NAA25: variants seen among roughly 807,000 people sequenced by gnomAD.
The protein encoded by NAA25 is N-alpha-acetyltransferase 25, NatB auxiliary subunit.
In NAA25, 30 loss-of-function variants were observed where a neutral mutation model predicts 132.5. The observed-to-expected ratio is 0.23, with a 90% CI of 0.17 to 0.31. NAA25 has a LOEUF of 0.31. NAA25 is among the 10% of genes least tolerant of loss of function. NAA25 has a pLI of 1.00. For synonymous variants in NAA25, 359 were observed against 401.9 expected, an observed-to-expected ratio of 0.89 and a Z score of 1.28; for missense variants, 771 against 1,150.4, an observed-to-expected ratio of 0.67 and a Z score of 4.77.
intron 23 of NAA25, among the ~76,000 whole-genome samples, chr12:112,030,209 T>TTA (rs1393259541): frequency 5.5e-5 from 1 of 18,298 alleles, no homozygotes; most frequent in Non-Finnish European, 1.2e-4. Flanking sequence ...TAAAGCTGTC[T>TTA]CAAAAAAAAA....
At chr12:112,098,238 T>C (rs1464236657) in intron 1 of NAA25, among the ~76,000 whole-genome samples, 1 of 151,674 alleles carries the variant, frequency 6.6e-6, no homozygotes, top group East Asian at 1.9e-4. Context: ...CATCAGGTCC[T>C]GGGGCACTAC....
At position 112,049,225 on chromosome 12, in the gene NAA25, T is replaced by C. The variant is rs148167978; in HGVS notation, c.1729-782A>G. 5.3e-5 allele frequency among the ~76,000 whole-genome samples: 8 copies of C among 152,298 alleles called. No homozygotes were observed. The highest frequency in any genetic ancestry group is 3.4e-3 in the Middle Eastern group (1 of 294). ...CAAGATAAAGAATTCTAAGCAGAAA[T>C]TCTGGCACAATAGAAGAAAATCTCA... On this transcript the variant is annotated intron_variant, in intron 15 of 23. Transcript: ENST00000261745. This position sits in a 1 kb window ranked among gnomAD's most constrained non-coding sequence, Gnocchi z 4.7.
chr12:112,099,065 C>T (rs2079255669), intron 1 of NAA25, among the ~76,000 whole-genome samples: 1 of 151,862 alleles, frequency 6.6e-6, no homozygotes, highest in Admixed American at 6.6e-5. Context: ...CGATTCACTG[C>T]AACCTCCACC....
intron 1 of NAA25, among the ~76,000 whole-genome samples, chr12:112,097,014 T>A (rs752910113): frequency 5.9e-5 from 9 of 152,286 alleles, no homozygotes; most frequent in Non-Finnish European, 1.0e-4. Context: ...TACTTGCCCA[T>A]GCCCTCTTGT....
intron 1 of NAA25, among the ~76,000 whole-genome samples, chr12:112,106,218 A>G (rs1002571590): frequency 6.6e-6 from 1 of 152,166 alleles, no homozygotes; most frequent in Non-Finnish European, 1.5e-5. Context: ...TTGAGAATAT[A>G]ACTTGTTAAT....
At chr12:112,102,264 T>C (rs1274000528) in intron 1 of NAA25, among the ~76,000 whole-genome samples, 1 of 151,990 alleles carries the variant, frequency 6.6e-6, no homozygotes, top group Non-Finnish European at 1.5e-5. Context: ...TGCCAGCTAC[T>C]CCAGAGGCTG....
At position 112,077,329 on chromosome 12, in the gene NAA25, TG is replaced by T. The variant is rs2078907905; in HGVS notation, c.664+858del. ...CTCTACTAAAAATACAAAAATTAGC[TG>T]GGCGTGGTGGTGTGTGCCTGTAGTC... On this transcript the variant is annotated intron_variant, in intron 7 of 23. Transcript: ENST00000261745. 2.0e-5 allele frequency among the ~76,000 whole-genome samples: 3 copies of T among 151,738 alleles called. No homozygotes were observed. In the South Asian group the frequency reaches 6.3e-4, roughly 32 times the overall value.
chr12:112,033,142 C>CT, intron 23 of NAA25, 91 bp downstream of exon 23: 5 of 1,383,950 alleles, frequency 3.6e-6, no homozygotes, highest in Non-Finnish European at 4.8e-6. Flanking sequence ...ATAAATTGAA[C>CT]TTTAACTTGT....
At chr12:112,051,277 A>G (rs1208976970) in intron 15 of NAA25, among the ~76,000 whole-genome samples, 1 of 152,014 alleles carries the variant, frequency 6.6e-6, no homozygotes, top group African/African-American at 2.4e-5. Context: ...ATAATGGTAC[A>G]ATCAGCTCAC....
At chr12:112,037,982 A>T (rs2078247540) in intron 22 of NAA25, among the ~76,000 whole-genome samples, 1 of 152,122 alleles carries the variant, frequency 6.6e-6, no homozygotes, top group Non-Finnish European at 1.5e-5. Context: ...AAGGTATAAA[A>T]GACATAATTG....
chr12:112,108,213 C>T (rs898817846), intron 1 of NAA25, among the ~76,000 whole-genome samples: 1 of 152,192 alleles, frequency 6.6e-6, no homozygotes, highest in African/African-American at 2.4e-5. Context: ...GGTGACCTTG[C>T]GTCAGCCCCT....
intron 11 of NAA25, among the ~76,000 whole-genome samples, chr12:112,061,620 A>G (rs879572785): frequency 5.3e-5 from 8 of 152,262 alleles, no homozygotes; most frequent in Non-Finnish European, 1.2e-4. Context: ...ATTACTGGCC[A>G]AAAGTATTTG....
At chr12:112,084,121 A>G (rs1246317559) in intron 4 of NAA25, among the ~76,000 whole-genome samples, 2 of 152,194 alleles carry the variant, frequency 1.3e-5, no homozygotes, top group African/African-American at 2.4e-5. Flanking sequence ...GTGACTCAGA[A>G]TGAGAATGTC....
At chr12:112,076,026 G>C (rs1044252800) in intron 7 of NAA25, among the ~76,000 whole-genome samples, 1 of 152,074 alleles carries the variant, frequency 6.6e-6, no homozygotes, top group African/African-American at 2.4e-5. Context: ...GGGATTACAG[G>C]CATCTGCCAC....
intron 2 of NAA25, among the ~76,000 whole-genome samples, chr12:112,091,585 C>A (rs1362949707): frequency 6.6e-6 from 1 of 151,856 alleles, no homozygotes; most frequent in Non-Finnish European, 1.5e-5. Flanking sequence ...CCCAGCTACT[C>A]GAGAGGCTGA....
At chr12:112,091,180 C>T (rs1041637805) in intron 2 of NAA25, among the ~76,000 whole-genome samples, 1 of 150,730 alleles carries the variant, frequency 6.6e-6, no homozygotes, top group African/African-American at 2.4e-5. Context: ...GAGGACTCCT[C>T]GAGCCCGGGA....
At chr12:112,043,011 G>A in intron 19 of NAA25, 77 bp downstream of exon 19, 3 of 1,404,378 alleles carry the variant, frequency 2.1e-6, no homozygotes, top group South Asian at 3.3e-5. Flanking sequence ...TTTTCCAGAT[G>A]TGAGGTTATA....
rs780513608 is a variant in NAA25, at chr12:112,074,659, A to AAAGAAGAC, written c.866+8_866+15dup. ...TTAAAAAGTGCTGTTATAATTCAGG[A>AAAGAAGAC]AAGAAGACAACTTACTGTTCACCTT... On this transcript the variant is annotated intron_variant, in intron 9 of 23. Transcript: ENST00000261745. The AAAGAAGAC allele has an allele frequency of 7.1e-6, 11 of 1,557,326 alleles. No individual in the cohort carries two copies. In the East Asian group the frequency reaches 2.5e-4, roughly 35 times the overall value.
intron 15 of NAA25, among the ~76,000 whole-genome samples, chr12:112,052,352 T>C (rs1396946798): frequency 6.6e-6 from 1 of 152,178 alleles, no homozygotes; most frequent in Non-Finnish European, 1.5e-5. Context: ...CCTCTCTCCC[T>C]GATCAGATGC....
Sources: gnomAD v4.1 joint callset for allele counts (sites outside exome capture counted in the v4.1 genomes callset) on GRCh38, gnomAD v4.1.1 for gene constraint, Gnocchi (gnomAD v3.1) non-coding constraint, MANE v1.5 for transcripts, NCBI Gene and HGNC (gene_info 2026-07-23, HGNC 2026-07-21) for gene names.